The following ZNF516 variants were observed in gnomAD, a reference collection of about 807,000 sequenced individuals.
The protein encoded by ZNF516 is zinc finger protein 516.
Under a neutral mutation model 79.7 loss-of-function variants are expected in ZNF516, and 19 were observed. That is an observed-to-expected ratio of 0.24 (90% CI 0.17 to 0.35). The LOEUF (loss-of-function observed/expected upper bound fraction) is 0.35, where lower values mean the gene tolerates loss of function less well. Ranked by LOEUF, ZNF516 falls within the 10% of genes least tolerant of loss-of-function variation. The probability of loss-of-function intolerance (pLI) is 1.00; values close to 1 mark genes in which losing one functional copy is unlikely to be tolerated. For missense variants in ZNF516, 1,678 were observed against 1,679.5 expected (o/e 1.00, Z 0.02); for synonymous variants, 877 against 739.5 (o/e 1.19, Z -3.02).
At chr18:76,470,261 C>A (rs1913748356) in intron 1 of ZNF516, among the ~76,000 whole-genome samples, 1 of 152,064 alleles carries the variant, frequency 6.6e-6, no homozygotes, top group Non-Finnish European at 1.5e-5. Context: ...TTGGCGTTTT[C>A]CCCCCAACTT....
At position 76,467,014 on chromosome 18, in the gene ZNF516, C is replaced by G. The variant is rs1295895233; in HGVS notation, c.-271-3873G>C. 1.3e-5 allele frequency among the ~76,000 whole-genome samples: 2 copies of G among 152,140 alleles called. No individual in the cohort carries two copies. The highest frequency in any genetic ancestry group is 2.9e-5 in the Non-Finnish European group (2 of 67,994). On this transcript the variant is annotated intron_variant, in intron 1 of 6. Transcript: ENST00000443185. The surrounding 1 kb of genome is among the most constrained non-coding windows in gnomAD (Gnocchi z 4.2). Reference sequence around the variant, plus strand: ...AGGGCCCTGGGAGGCAGGGGGGCCCCAGAGAGGCAAAACCCAGGAGACGCT... The same window carrying G: ...AGGGCCCTGGGAGGCAGGGGGGCCCGAGAGAGGCAAAACCCAGGAGACGCT...
At chr18:76,481,765 G>A (rs534553487) in intron 1 of ZNF516, among the ~76,000 whole-genome samples, 28 of 152,276 alleles carry the variant, frequency 1.8e-4, no homozygotes, top group African/African-American at 6.7e-4. Flanking sequence ...ATTTATTTAG[G>A]GAACTAGTTA....
At chr18:76,398,174 G>C (rs959898222) in intron 3 of ZNF516, among the ~76,000 whole-genome samples, 1 of 152,160 alleles carries the variant, frequency 6.6e-6, no homozygotes, top group African/African-American at 2.4e-5. Context: ...TTTCTGTTGT[G>C]AATCAAATGC....
At chr18:76,487,897 G>C in intron 1 of ZNF516, 1 of 982,958 alleles carries the variant, frequency 1.0e-6, no homozygotes, top group Non-Finnish European at 1.2e-6. Context: ...CAGGTGGAAG[G>C]ACTGAGGATG....
rs1409471328 is a variant in ZNF516 at position 76,441,924 on chromosome 18, C to A, written c.1131G>T (p.Ser377=). 2 of 1,606,334 alleles carry A rather than the reference C, an allele frequency of 1.2e-6. No individual in the cohort carries two copies. Reference sequence around the variant, plus strand: ...ACTGGAGGAAGAACTGCTTGGTGTCCGAGGGCCCCTCCGCCCCCTCCTCGG... The same window carrying A: ...ACTGGAGGAAGAACTGCTTGGTGTCAGAGGGCCCCTCCGCCCCCTCCTCGG... ...APAEEGAEGP[S]DTKQFFLQCL... is the part of the protein sequence containing the mutation. The change falls in exon 3 of 7, where the codon TCG becomes TCT. Residue 377 remains serine, a synonymous_variant. Coordinates refer to ENST00000443185, the MANE Select transcript of ZNF516 (RefSeq NM_014643.4).
chr18:76,431,490 G>C (rs746645852), intron 3 of ZNF516, among the ~76,000 whole-genome samples: 1 of 152,198 alleles, frequency 6.6e-6, no homozygotes, highest in African/African-American at 2.4e-5. Context: ...TCCTGTGCCC[G>C]GCATGACGGG....
chr18:76,490,644 C>A (rs1915119305), intron 1 of ZNF516: 1 of 424,822 alleles, frequency 2.4e-6, no homozygotes, highest in Non-Finnish European at 3.2e-6. Flanking sequence ...ACTCCATAGC[C>A]CCATGGTGAA....
At chr18:76,390,991 C>T (rs661859) in intron 3 of ZNF516, among the ~76,000 whole-genome samples, 50,103 of 151,900 alleles carry the variant, frequency 0.33, 8,978 homozygotes, top group South Asian at 0.43. Flanking sequence ...CACCCCACAG[C>T]GCTGAGCTCA....
chr18:76,385,779 C>G (rs994440782), intron 3 of ZNF516: 1 of 150,434 alleles, frequency 6.6e-6, no homozygotes, highest in Admixed American at 6.6e-5. Context: ...CTGCACTGCC[C>G]CCCCCCCGGG....
At chr18:76,481,676 T>C (rs1274376983) in intron 1 of ZNF516, among the ~76,000 whole-genome samples, 1 of 152,198 alleles carries the variant, frequency 6.6e-6, no homozygotes, top group Admixed American at 6.5e-5. Context: ...ATAACACATA[T>C]AAAGAACTCG....
At position 76,379,401 on chromosome 18, in the gene ZNF516, G is replaced by A; in HGVS notation, c.2713C>T (p.Leu905=). ...EPHGAATQGP[L]AKPRQEASSK... ...CTAGCCTCCTGCCTGGGCTTGGCCAGGGGCCCCTGTGTGGCCGCGCCATGT... is the reference window on the plus strand; with the variant it reads ...CTAGCCTCCTGCCTGGGCTTGGCCAAGGGCCCCTGTGTGGCCGCGCCATGT... The change falls in exon 4 of 7, where the codon CTG becomes TTG. Residue 905 remains leucine, a synonymous_variant. Transcript: ENST00000443185. 6.2e-7 allele frequency: 1 copy of A among 1,605,080 alleles called. No homozygotes were observed. The highest frequency in any genetic ancestry group is 8.5e-7 in the Non-Finnish European group (1 of 1,175,472).
chr18:76,409,968 A>G lies in ZNF516; in HGVS notation c.1811-29665T>C, dbSNP rs2075354228. ...TTCTCATGGTAGTAAGTTTCACGAG[A>G]TCTGATGGTTTTTATGAAGGGGAGT... On this transcript the variant is annotated intron_variant, in intron 3 of 6. Transcript: ENST00000443185. Among the ~76,000 whole-genome samples the G allele has an allele frequency of 4.6e-5, 7 of 152,114 alleles. No individual in the cohort carries two copies. The South Asian group carries it at 1.4e-3, about 32-fold the overall frequency.
At chr18:76,407,082 G>A (rs1000709890) in intron 3 of ZNF516, among the ~76,000 whole-genome samples, 1 of 152,122 alleles carries the variant, frequency 6.6e-6, no homozygotes, top group Non-Finnish European at 1.5e-5. Flanking sequence ...GGATTCCTCC[G>A]CTACAAAATG....
Position 76,459,776 on chromosome 18 carries a change from T to C in ZNF516, c.-158+3252A>G, listed in dbSNP as rs1912982816. ...GGTATCCCATCACAACGCGGGAGGATTCAGGGCCAACTGCAGGCCCCCGGA... is the reference window on the plus strand; with the variant it reads ...GGTATCCCATCACAACGCGGGAGGACTCAGGGCCAACTGCAGGCCCCCGGA... On this transcript the variant is annotated intron_variant, in intron 2 of 6. Transcript: ENST00000443185. This position sits in a 1 kb window ranked among gnomAD's most constrained non-coding sequence, Gnocchi z 5.0. Among the ~76,000 whole-genome samples the C allele has an allele frequency of 6.6e-6, 1 of 151,926 alleles. No homozygotes were observed. Among genetic ancestry groups the C allele is most frequent in the African/African-American group, 2.4e-5 (1 of 41,354 alleles).
intron 2 of ZNF516, among the ~76,000 whole-genome samples, chr18:76,458,878 CGT>C (rs1281824975): frequency 3.3e-5 from 5 of 149,412 alleles, no homozygotes; most frequent in Admixed American, 2.7e-4. Flanking sequence ...GCCTCACCGT[CGT>C]GTGTGTGCGT....
chr18:76,448,830 G>A (rs572793393), intron 2 of ZNF516, among the ~76,000 whole-genome samples: 2 of 152,294 alleles, frequency 1.3e-5, no homozygotes, highest in Non-Finnish European at 2.9e-5. Flanking sequence ...CTCAAAGTCA[G>A]ACAGGGAAGC....
chr18:76,458,315 G>A (rs186458961), intron 2 of ZNF516, among the ~76,000 whole-genome samples: 2 of 152,196 alleles, frequency 1.3e-5, no homozygotes, highest in Non-Finnish European at 2.9e-5. Flanking sequence ...CTGTGGACCC[G>A]CAGTGCATGG....
chr18:76,452,210 T>G (rs1912456719), intron 2 of ZNF516, among the ~76,000 whole-genome samples: 1 of 152,190 alleles, frequency 6.6e-6, no homozygotes, highest in Non-Finnish European at 1.5e-5. Flanking sequence ...ACAGACCTGA[T>G]GTGGGGGCAG....
intron 1 of ZNF516, among the ~76,000 whole-genome samples, chr18:76,486,362 C>A (rs1044543117): frequency 1.7e-5 from 2 of 118,080 alleles, no homozygotes; most frequent in Non-Finnish European, 4.1e-5. Flanking sequence ...CACATGTTGC[C>A]CTTTTCTGAA....
Sources: gnomAD v4.1 joint callset for allele counts (sites outside exome capture counted in the v4.1 genomes callset) on GRCh38, gnomAD v4.1.1 for gene constraint, Gnocchi (gnomAD v3.1) non-coding constraint, MANE v1.5 for transcripts, NCBI Gene and HGNC (gene_info 2026-07-23, HGNC 2026-07-21) for gene names.